CABLES1: variants seen among roughly 807,000 people sequenced by gnomAD.
CABLES1 encodes the protein CDK5 and ABL1 enzyme substrate 1.
A neutral mutation model predicts 57.8 loss-of-function variants in CABLES1; 36 were observed. That is an observed-to-expected ratio of 0.62 (90% confidence interval 0.48 to 0.82). The LOEUF (loss-of-function observed/expected upper bound fraction) is 0.82, where lower values mean the gene tolerates loss of function less well. Among genes scored for constraint, CABLES1 ranks in the 40% least tolerant of loss-of-function variants. The pLI is 0.00. For synonymous variants in CABLES1, 374 were observed against 363.0 expected, an observed-to-expected ratio of 1.03 and a Z score of -0.35; for missense variants, 767 against 836.6, an observed-to-expected ratio of 0.92 and a Z score of 1.03.
At position 23,214,016 on chromosome 18, in the gene CABLES1, AT is replaced by A. The variant is rs2047423687; in HGVS notation, c.1054del (p.Ser352GlnfsTer14). On this transcript the variant is annotated frameshift_variant, in exon 4 of 10. Coordinates refer to ENST00000256925, the MANE Select transcript of CABLES1 (RefSeq NM_001100619.3). LOFTEE classifies it high-confidence loss of function. The stretch of plus-strand genomic sequence containing the variant: ...GTGGCAGAAGATCCTTCTGTAGTAT[AT>A]TTTCAGTGCTGCCGTATCGCGACAG... ...ISGRRSFCSI[F>X]SVLPYRDSTQ... is the part of the protein sequence containing the mutation. The A allele has an allele frequency of 6.2e-7, 1 of 1,612,958 alleles. No homozygotes were observed. Among genetic ancestry groups the A allele is most frequent in the Admixed American group, 1.7e-5 (1 of 59,830 alleles).
At chr18:23,202,503 C>G (rs2047332491) in intron 3 of CABLES1, among the ~76,000 whole-genome samples, 1 of 152,224 alleles carries the variant, frequency 6.6e-6, no homozygotes, top group Admixed American at 6.5e-5. Context: ...ACCATGGGCT[C>G]TAACCTGCAT....
chr18:23,141,906 G>A (rs1413108465), intron 1 of CABLES1, among the ~76,000 whole-genome samples: 3 of 152,214 alleles, frequency 2.0e-5, no homozygotes, highest in Non-Finnish European at 2.9e-5. Context: ...AGAGCCAAGG[G>A]CAGGTTTTCT....
At chr18:23,231,183 T>C (rs928995264) in intron 4 of CABLES1, among the ~76,000 whole-genome samples, 6 of 152,224 alleles carry the variant, frequency 3.9e-5, no homozygotes, top group Non-Finnish European at 7.3e-5. Flanking sequence ...ATGACTATAT[T>C]ATCTTGCCAT....
At chr18:23,194,945 TG>T (rs2047271537) in intron 3 of CABLES1, among the ~76,000 whole-genome samples, 1 of 152,220 alleles carries the variant, frequency 6.6e-6, no homozygotes, top group Non-Finnish European at 1.5e-5. Flanking sequence ...GATATGCGCC[TG>T]AACTTAGTTT....
chr18:23,137,183 G>A (rs763484404), intron 1 of CABLES1, among the ~76,000 whole-genome samples: 2 of 152,220 alleles, frequency 1.3e-5, no homozygotes, highest in South Asian at 2.1e-4. Flanking sequence ...CTAGGCCTAG[G>A]GGGGTGGGGA....
chr18:23,175,453 T>C (rs946950741), intron 1 of CABLES1, among the ~76,000 whole-genome samples: 4 of 152,170 alleles, frequency 2.6e-5, no homozygotes, highest in African/African-American at 9.7e-5. Flanking sequence ...GTAAAAATGG[T>C]AAAATGACTA....
chr18:23,224,389 A>T (rs528740164), intron 4 of CABLES1, among the ~76,000 whole-genome samples: 4 of 152,202 alleles, frequency 2.6e-5, no homozygotes, highest in Non-Finnish European at 5.9e-5. Context: ...CAGAAGCCTC[A>T]GTCCTGGGAA....
chr18:23,146,727 CAATGTGGT>C (rs2046893689), intron 1 of CABLES1, among the ~76,000 whole-genome samples: 1 of 149,516 alleles, frequency 6.7e-6, no homozygotes, highest in Non-Finnish European at 1.5e-5. Flanking sequence ...TTCAGAAAGG[CAATGTGGT>C]AGCTGTTTTA....
chr18:23,254,183 A>G (rs535195200), intron 9 of CABLES1, among the ~76,000 whole-genome samples: 4 of 152,208 alleles, frequency 2.6e-5, no homozygotes, highest in African/African-American at 4.8e-5. Context: ...ATTCTCAGAC[A>G]CCATGTGAGA....
intron 7 of CABLES1, among the ~76,000 whole-genome samples, chr18:23,248,531 TTTTTTTTAA>T (rs1380796827): frequency 0.01 from 1,427 of 139,706 alleles, 27 homozygotes; most frequent in East Asian, 0.034. Context: ...TTTTTTTTTT[TTTTTTTTAA>T]AAAAAGGCTG....
rs934098074 is a variant in CABLES1 at position 23,219,025 on chromosome 18, T to C, written c.1088+4971T>C. 3.0e-5 allele frequency: 11 copies of C among 369,290 alleles called. No homozygotes were observed. In the East Asian group the frequency reaches 6.6e-4, roughly 22 times the overall value. 22.9% of individuals were successfully genotyped at this position (369,290 alleles called of 1,614,324 possible). Reference sequence around the variant, plus strand: ...TGTTAAGTAAAAGCAGGGTGTTTGCTATGTAAAATTTCTTTATCCCCACCC... The same window carrying C: ...TGTTAAGTAAAAGCAGGGTGTTTGCCATGTAAAATTTCTTTATCCCCACCC... On this transcript the variant is annotated intron_variant, in intron 4 of 9. Coordinates refer to ENST00000256925, the MANE Select transcript of CABLES1 (RefSeq NM_001100619.3).
At chr18:23,237,337 C>A in intron 7 of CABLES1, 92 bp downstream of exon 7, 1 of 863,412 alleles carries the variant, frequency 1.2e-6, no homozygotes, top group Non-Finnish European at 2.0e-6. Context: ...AAAGACTGCT[C>A]TGCCTGGGGG....
In CABLES1 at chr18:23,252,951, C is replaced by G; in HGVS notation, c.1447-9C>G. On this transcript the variant is annotated splice_polypyrimidine_tract_variant and intron_variant, in intron 7 of 9. Transcript: ENST00000256925. ...TAAGGAGTGATCCGTGTTCCCCTGT[C>G]TGTTACAGACAACAGTGATTGACTA... The G allele has an allele frequency of 2.5e-6, 4 of 1,577,450 alleles. No homozygotes were observed. The highest frequency in any genetic ancestry group is 3.5e-6 in the Non-Finnish European group (4 of 1,146,748).
At chr18:23,136,655 C>G (rs2046824539) in intron 1 of CABLES1, 48 bp downstream of exon 1, 1 of 1,198,826 alleles carries the variant, frequency 8.3e-7, no homozygotes, top group South Asian at 2.2e-5. Context: ...TCCCGCCCGG[C>G]GCTCCCAGCC....
At chr18:23,177,739 C>T (rs905984853) in intron 1 of CABLES1, among the ~76,000 whole-genome samples, 3 of 152,156 alleles carry the variant, frequency 2.0e-5, no homozygotes, top group Admixed American at 1.3e-4. Context: ...GGCCTGCCTG[C>T]TCCCTCTGTT....
rs55992929 is a variant in CABLES1, at chr18:23,247,902, C to G, written c.1447-5058C>G. Among the ~76,000 whole-genome samples the G allele has an allele frequency of 9.1e-4, 139 of 152,352 alleles. 1 individual carries two copies. Among genetic ancestry groups the G allele is most frequent in the African/African-American group, 3.1e-3 (131 of 41,592 alleles). ...TACGCGGGGCCAAGCACTGGGCTCC[C>G]TGGGCCAAGGGTCTCGCAGCATCTG... On this transcript the variant is annotated intron_variant, in intron 7 of 9. Coordinates refer to ENST00000256925, the MANE Select transcript of CABLES1 (RefSeq NM_001100619.3).
In CABLES1 at chr18:23,213,984, C is replaced by T; in HGVS notation, c.1018C>T (p.Leu340Phe). The part of the protein sequence containing the change: ...QHDTRNGRIV[L>F]ISGRRSFCSI... ...CTTCTTTTTATTTTTTAGAATAGTCCTTATCAGTGGCAGAAGATCCTTCTG... is the reference window on the plus strand; with the variant it reads ...CTTCTTTTTATTTTTTAGAATAGTCTTTATCAGTGGCAGAAGATCCTTCTG... Residue 340 changes from leucine to phenylalanine, a missense_variant, in exon 4 of 10, where the codon CTT becomes TTT. Around this residue, in one of 4 missense-constraint regions of CABLES1, gnomAD observed 529 missense variants for 622.8 expected, o/e 0.85. Transcript: ENST00000256925. The T allele has an allele frequency of 6.2e-7, 1 of 1,601,820 alleles. No individual in the cohort carries two copies. Among genetic ancestry groups the T allele is most frequent in the Admixed American group, 1.7e-5 (1 of 58,968 alleles).
intron 1 of CABLES1, among the ~76,000 whole-genome samples, chr18:23,154,224 C>A (rs1043814527): frequency 6.6e-6 from 1 of 152,162 alleles, no homozygotes; most frequent in Non-Finnish European, 1.5e-5. Flanking sequence ...GAAGAAGATG[C>A]CTTCTGGAAA....
rs1389030747 is a variant in CABLES1 at position 23,258,583 on chromosome 18, C to G, written c.*1216C>G. On this transcript the variant is annotated 3_prime_UTR_variant, in exon 10 of 10. Transcript: ENST00000256925. ...CATAGCTGCAAGAGAGAGGCACCAG[C>G]TGAAGTTCCCCTGACTGAAGAGAGC... 6.6e-6 allele frequency: 1 copy of G among 152,244 alleles called. No homozygotes were observed. Among genetic ancestry groups the G allele is most frequent in the Non-Finnish European group, 1.5e-5 (1 of 68,056 alleles). The allele number at this position is 152,244 out of a possible 1,614,324, so 9.4% of individuals were successfully genotyped here. A position where few individuals can be genotyped will look rare whatever the true frequency, so the allele number is the denominator to read the frequency against.
Sources: gnomAD v4.1 joint callset for allele counts (sites outside exome capture counted in the v4.1 genomes callset) on GRCh38, gnomAD v4.1.1 for gene constraint, gnomAD v4.1.1 regional missense constraint, MANE v1.5 for transcripts, NCBI Gene and HGNC (gene_info 2026-07-23, HGNC 2026-07-21) for gene names.